Variants in TPTE observed in about 807,000 individuals in gnomAD.
TPTE encodes the protein transmembrane phosphatase with tensin homology.
Under a neutral mutation model 84.1 loss-of-function variants are expected in TPTE, and 59 were observed. The observed-to-expected ratio is 0.70, with a 90% confidence interval of 0.57 to 0.87. TPTE has a LOEUF of 0.87. Ranked by LOEUF, TPTE falls within the 40% of genes least tolerant of loss-of-function variation. TPTE has a pLI of 0.00. For synonymous variants in TPTE, 130 were observed against 223.5 expected (o/e 0.58, Z 3.73); for missense variants, 382 against 659.6 (o/e 0.58, Z 4.61).
chr21:10,526,476 A>G (rs1324040742), intron 2 of TPTE, among the ~76,000 whole-genome samples: 5 of 152,302 alleles, frequency 3.3e-5, no homozygotes, highest in Non-Finnish European at 5.9e-5. Flanking sequence ...TGTGAGAAAG[A>G]GGTTCTGTGG....
chr21:10,590,002 A>G (rs1323247294), intron 17 of TPTE, among the ~76,000 whole-genome samples: 1 of 152,298 alleles, frequency 6.6e-6, no homozygotes, highest in Admixed American at 6.5e-5. Flanking sequence ...GTGTTTCTAC[A>G]TTGCTGAATT....
At chr21:10,541,740 C>T (rs1178397699) in intron 5 of TPTE, among the ~76,000 whole-genome samples, 1 of 152,300 alleles carries the variant, frequency 6.6e-6, no homozygotes, top group Non-Finnish European at 1.5e-5. Flanking sequence ...TTTGGAAAAG[C>T]AGATTTTCTG....
At chr21:10,593,507 T>C (rs2075524552) in intron 19 of TPTE, among the ~76,000 whole-genome samples, 1 of 152,312 alleles carries the variant, frequency 6.6e-6, no homozygotes, top group Admixed American at 6.5e-5. Flanking sequence ...ACTTGTAATT[T>C]GTTTATTGCA....
chr21:10,600,980 CA>C (rs1978417341), intron 21 of TPTE, among the ~76,000 whole-genome samples: 1 of 152,312 alleles, frequency 6.6e-6, no homozygotes, highest in South Asian at 2.1e-4. Context: ...GCCCAACCCC[CA>C]AGTGTTACAG....
rs373095461 is a variant in TPTE at position 10,605,493 on chromosome 21, G to C, written c.1597G>C (p.Val533Leu). The part of the protein sequence containing the change: ...ARRIYPSDFA[V>L]EILFGEKMTS... ...GAGAATTTATCCATCAGATTTTGCC[G>C]TGGAGATACTTTTTGGCGAGAAAAT... The change falls in exon 24 of 24, where the codon GTG (valine) becomes CTG (leucine). Residue 533 changes from valine to leucine, a missense_variant. Physicochemically the swap from Val to Leu is conservative, Grantham distance 32 (BLOSUM62 1). This residue lies in a region of TPTE where 120 missense variants were observed against 79.1 expected (regional missense o/e 1.52). Coordinates refer to ENST00000618007, the MANE Select transcript of TPTE (RefSeq NM_199261.4). The C allele has an allele frequency of 6.2e-7, 1 of 1,613,972 alleles. No homozygotes were observed. The highest frequency in any genetic ancestry group is 8.5e-7 in the Non-Finnish European group (1 of 1,179,922).
chr21:10,539,999 ACT>A (rs533278981), intron 4 of TPTE, among the ~76,000 whole-genome samples: 390 of 152,266 alleles, frequency 2.6e-3, no homozygotes, highest in Admixed American at 4.3e-3. Flanking sequence ...ACTGAGTGAG[ACT>A]CTGTCTCAAA....
chr21:10,523,407 C>T (rs1265714384), intron 1 of TPTE, among the ~76,000 whole-genome samples: 1 of 152,272 alleles, frequency 6.6e-6, no homozygotes, highest in Non-Finnish European at 1.5e-5. Context: ...CCACAAACTC[C>T]TCATCTAGCA....
At chr21:10,541,659 A>G (rs1239787869) in intron 5 of TPTE, among the ~76,000 whole-genome samples, 4 of 152,306 alleles carry the variant, frequency 2.6e-5, no homozygotes, top group Non-Finnish European at 5.9e-5. Context: ...TTAGAAAAAA[A>G]GAAACTGACT....
chr21:10,581,133 G>C (rs1292357811), intron 17 of TPTE, among the ~76,000 whole-genome samples: 1 of 152,308 alleles, frequency 6.6e-6, no homozygotes, highest in Admixed American at 6.5e-5. Context: ...TCTGTGTTTA[G>C]CTGTATATTA....
chr21:10,537,685 AAAAAAAAG>A (rs2074291830), intron 3 of TPTE, among the ~76,000 whole-genome samples: 1 of 152,274 alleles, frequency 6.6e-6, no homozygotes, highest in African/African-American at 2.4e-5. Context: ...CTCAAAAAAA[AAAAAAAAG>A]AAAAAAGAAA....
chr21:10,553,199 T>G (rs1470522187), intron 8 of TPTE, among the ~76,000 whole-genome samples: 11 of 152,300 alleles, frequency 7.2e-5, no homozygotes, highest in Admixed American at 7.2e-4. Context: ...CTAGAGTACT[T>G]CCTGTTGCAC....
chr21:10,558,605 A>T (rs1299276136), intron 8 of TPTE, among the ~76,000 whole-genome samples: 1 of 152,310 alleles, frequency 6.6e-6, no homozygotes, highest in African/African-American at 2.4e-5. Flanking sequence ...AGTTCTGCTC[A>T]GTATCTGCCC....
chr21:10,553,587 C>T (rs2074621985), intron 8 of TPTE, among the ~76,000 whole-genome samples: 1 of 152,310 alleles, frequency 6.6e-6, no homozygotes, highest in Non-Finnish European at 1.5e-5. Context: ...TTTCCCCACT[C>T]CAAACAAAAT....
At chr21:10,552,550 T>A in intron 7 of TPTE, 107 bp from the exon 8 acceptor site, 2 of 1,532,692 alleles carry the variant, frequency 1.3e-6, no homozygotes, top group Non-Finnish European at 1.8e-6. Flanking sequence ...ATGTTTACTA[T>A]ATCCTTTAGA....
intron 7 of TPTE, among the ~76,000 whole-genome samples, chr21:10,548,604 A>G (rs1487329666): frequency 6.6e-6 from 1 of 152,310 alleles, no homozygotes; most frequent in African/African-American, 2.4e-5. Context: ...CATATCCAGG[A>G]CAGCTGAGAA....
chr21:10,548,648 C>T (rs1223274489), intron 7 of TPTE, among the ~76,000 whole-genome samples: 1 of 152,306 alleles, frequency 6.6e-6, no homozygotes, highest in Non-Finnish European at 1.5e-5. Context: ...TGAGAAACAC[C>T]CCTCTTGGCC....
chr21:10,569,587 G>C, intron 12 of TPTE, 51 bp downstream of exon 12: 1 of 1,613,512 alleles, frequency 6.2e-7, no homozygotes, highest in Middle Eastern at 1.7e-4. Context: ...TGTGTTTTGG[G>C]ACCCATTGAC....
At chr21:10,537,097 C>A (rs1362311945) in intron 3 of TPTE, among the ~76,000 whole-genome samples, 1 of 152,308 alleles carries the variant, frequency 6.6e-6, no homozygotes, top group Admixed American at 6.5e-5. Context: ...AAAAACAAGG[C>A]ACTCATGAAG....
chr21:10,523,868 G>T (rs540982159), intron 1 of TPTE, among the ~76,000 whole-genome samples: 3 of 152,302 alleles, frequency 2.0e-5, no homozygotes, highest in African/African-American at 7.2e-5. Flanking sequence ...CTGAGGAATC[G>T]CCACACTGAC....
Sources: allele counts gnomAD v4.1 joint callset (sites outside exome capture counted in the v4.1 genomes callset), GRCh38; gene constraint gnomAD v4.1.1; regional missense constraint gnomAD v4.1.1; transcripts MANE v1.5; gene names NCBI Gene and HGNC (gene_info 2026-07-23, HGNC 2026-07-21).